CD58: variants seen among roughly 807,000 people sequenced by gnomAD.
The protein encoded by CD58 is CD58 molecule.
In CD58, 14 loss-of-function variants were observed where a neutral mutation model predicts 27.6. That is an observed-to-expected ratio of 0.51 (90% CI 0.34 to 0.79). The LOEUF (loss-of-function observed/expected upper bound fraction) is 0.79. Ranked by LOEUF, CD58 falls within the 30% of genes least tolerant of loss-of-function variation. The pLI is 0.02. For synonymous variants in CD58, 117 were observed against 103.8 expected (o/e 1.13, Z -0.77); for missense variants, 268 against 301.7 (o/e 0.89, Z 0.83).
At position 116,563,924 on chromosome 1, in the gene CD58, A is replaced by T. The variant is rs911097502; in HGVS notation, c.70+6979T>A. On this transcript the variant is annotated intron_variant, in intron 1 of 5. Coordinates refer to ENST00000369489, the MANE Select transcript of CD58 (RefSeq NM_001779.3). This position sits in a 1 kb window ranked among gnomAD's most constrained non-coding sequence, Gnocchi z 4.1. ...ATGCAAATTTCTGCAGCTGGCTTGA[A>T]TTTTTCCTCAGAAAAGGGGTTTTTC... is the stretch of plus-strand genomic sequence containing the variant. Among the ~76,000 whole-genome samples the T allele has an allele frequency of 2.6e-5, 4 of 152,086 alleles. No homozygotes were observed. The highest frequency in any genetic ancestry group is 2.0e-4 in the Admixed American group (3 of 15,284).
chr1:116,545,108 T>C (rs1372778883), intron 1 of CD58, among the ~76,000 whole-genome samples: 1 of 152,058 alleles, frequency 6.6e-6, no homozygotes, highest in Non-Finnish European at 1.5e-5. Context: ...AGGCCCTGAA[T>C]GGAGAAAGAG....
chr1:116,540,206 T>C (rs1263101042), intron 2 of CD58, among the ~76,000 whole-genome samples: 3 of 152,164 alleles, frequency 2.0e-5, no homozygotes, highest in Non-Finnish European at 4.4e-5. Flanking sequence ...GTGGATGCCC[T>C]GAATTTAGGA....
At chr1:116,567,299 G>A (rs1292289535) in intron 1 of CD58, among the ~76,000 whole-genome samples, 3 of 136,942 alleles carry the variant, frequency 2.2e-5, no homozygotes, top group Non-Finnish European at 4.7e-5. Flanking sequence ...GGGAGGGAGG[G>A]AGAAGAAAGG....
intron 1 of CD58, among the ~76,000 whole-genome samples, chr1:116,568,182 T>C (rs903762278): frequency 6.6e-6 from 1 of 152,040 alleles, no homozygotes; most frequent in African/African-American, 2.4e-5. Context: ...ATTGTATCAA[T>C]GCCACATTTC....
At chr1:116,547,557 C>A (rs967089719) in intron 1 of CD58, among the ~76,000 whole-genome samples, 4 of 152,058 alleles carry the variant, frequency 2.6e-5, no homozygotes, top group Non-Finnish European at 5.9e-5. Flanking sequence ...TCTCGATCTC[C>A]TGACCTCGTG....
chr1:116,565,359 AG>A lies in CD58; in HGVS notation c.70+5543del, dbSNP rs66799352. Among the ~76,000 whole-genome samples, 814 of 152,328 alleles carry A rather than the reference AG, an allele frequency of 5.3e-3. 2 individuals are homozygous for A. The highest frequency in any genetic ancestry group is 9.3e-3 in the Non-Finnish European group (631 of 68,028). On this transcript the variant is annotated intron_variant, in intron 1 of 5. Transcript: ENST00000369489. ...TTCTTAAACGCTTGAAGCCTATCTC[AG>A]GGTCCTGAGTAGTAGACCTGGAATA...
chr1:116,525,789 G>A (rs566552415), intron 3 of CD58, among the ~76,000 whole-genome samples: 1 of 152,216 alleles, frequency 6.6e-6, no homozygotes, highest in Non-Finnish European at 1.5e-5. Flanking sequence ...GTTGACATAG[G>A]ACATGCCTAG....
Position 116,544,579 on chromosome 1 carries a change from T to C in CD58, c.96A>G (p.Gln32=), listed in dbSNP as rs1658100083. The C allele has an allele frequency of 6.3e-7, 1 of 1,587,614 alleles. No homozygotes were observed. The highest frequency in any genetic ancestry group is 1.4e-5 in the African/African-American group (1 of 73,700). ...CFGFISCFSQ[Q]IYGVVYGNVT... Reference sequence around the variant, plus strand: ...CATTCCCATACACAACACCATATATTTGTTGGGAAAAACAGCTGATGAAAC... The same window carrying C: ...CATTCCCATACACAACACCATATATCTGTTGGGAAAAACAGCTGATGAAAC... Residue 32 remains glutamine (Q), a synonymous_variant, in exon 2 of 6, where the codon CAA becomes CAG. Transcript: ENST00000369489.
In CD58 at chr1:116,544,989, T is replaced by C. The variant is rs572736617; in HGVS notation, c.71-385A>G. Among the ~76,000 whole-genome samples the C allele has an allele frequency of 2.6e-5, 4 of 152,162 alleles. No individual in the cohort carries two copies. In the South Asian group the frequency reaches 6.2e-4, roughly 24 times the overall value. ...TGCTGGAACTGACATAACGTGCAAA[T>C]CACTGAAGGATAAAAGGCAGTTAGG... is the stretch of plus-strand genomic sequence containing the variant. On this transcript the variant is annotated intron_variant, in intron 1 of 5. Transcript: ENST00000369489.
chr1:116,544,933 T>C (rs1039889773), intron 1 of CD58, among the ~76,000 whole-genome samples: 1 of 152,192 alleles, frequency 6.6e-6, no homozygotes, highest in Non-Finnish European at 1.5e-5. Flanking sequence ...TGAGGGGAGC[T>C]GCCTGGTCTA....
intron 2 of CD58, among the ~76,000 whole-genome samples, chr1:116,540,421 T>A (rs953634780): frequency 1.3e-5 from 2 of 152,208 alleles, no homozygotes; most frequent in African/African-American, 2.4e-5. Flanking sequence ...ATCTTATGTC[T>A]TTTTACAACC....
rs954889625 is a variant in CD58 at position 116,521,567 on chromosome 1, A to C, written c.706+339T>G. Among the ~76,000 whole-genome samples the C allele has an allele frequency of 6.6e-6, 1 of 152,222 alleles. No individual in the cohort carries two copies. Among genetic ancestry groups the C allele is most frequent in the South Asian group, 2.1e-4 (1 of 4,832 alleles). ...ATGACATGAAAATTACAGAGGTGGC[A>C]GCCTAAAGAGGTCTTTAGCAAACTC... On this transcript the variant is annotated intron_variant, in intron 4 of 5. Coordinates refer to ENST00000369489, the MANE Select transcript of CD58 (RefSeq NM_001779.3). The surrounding 1 kb of genome is among the most constrained non-coding windows in gnomAD (Gnocchi z 5.6).
chr1:116,560,324 G>C (rs1047313512), intron 1 of CD58, among the ~76,000 whole-genome samples: 1 of 151,952 alleles, frequency 6.6e-6, no homozygotes, highest in African/African-American at 2.4e-5. Context: ...TATGCTTTAG[G>C]GAATAAGGTT....
chr1:116,528,090 G>T lies in CD58; in HGVS notation c.629-6107C>A, dbSNP rs1657483508. Among the ~76,000 whole-genome samples, 1 of 152,192 alleles carries T rather than the reference G, an allele frequency of 6.6e-6. No homozygotes were observed. The highest frequency in any genetic ancestry group is 2.1e-4 in the South Asian group (1 of 4,832). ...CTTTCTCAATTTTTAAAAGCAGAGT[G>T]AACATTCTTAATCACTATTCTTCCC... On this transcript the variant is annotated intron_variant, in intron 3 of 5. Coordinates refer to ENST00000369489, the MANE Select transcript of CD58 (RefSeq NM_001779.3). This position sits in a 1 kb window ranked among gnomAD's most constrained non-coding sequence, Gnocchi z 4.4.
chr1:116,521,527 C>A lies in CD58; in HGVS notation c.706+379G>T, dbSNP rs894357200. On this transcript the variant is annotated intron_variant, in intron 4 of 5. Coordinates refer to ENST00000369489, the MANE Select transcript of CD58 (RefSeq NM_001779.3). The surrounding 1 kb of genome is among the most constrained non-coding windows in gnomAD (Gnocchi z 5.6). ...CCAAAACTCCCTTCCTACCTGGGAG[C>A]CCCATTCGTGTTATATGACATGAAA... is the stretch of plus-strand genomic sequence containing the variant. Among the ~76,000 whole-genome samples the A allele has an allele frequency of 8.5e-5, 13 of 152,226 alleles. No homozygotes were observed. The highest frequency in any genetic ancestry group is 1.2e-4 in the African/African-American group (5 of 41,460).
In CD58 at chr1:116,550,247, T is replaced by C. The variant is rs771865325; in HGVS notation, c.71-5643A>G. Among the ~76,000 whole-genome samples, 19 of 152,340 alleles carry C rather than the reference T, an allele frequency of 1.2e-4. No individual in the cohort carries two copies. In the Middle Eastern group the frequency reaches 0.014, roughly 109 times the overall value. The stretch of plus-strand genomic sequence containing the variant: ...CAAAATATTTCTCAGAGGCATCCAA[T>C]GCTGTTTGATAGAATTTTACTCACA... On this transcript the variant is annotated intron_variant, in intron 1 of 5. Coordinates refer to ENST00000369489, the MANE Select transcript of CD58 (RefSeq NM_001779.3). The surrounding 1 kb of genome is among the most constrained non-coding windows in gnomAD (Gnocchi z 4.2).
chr1:116,566,173 A>G (rs1172643294), intron 1 of CD58, among the ~76,000 whole-genome samples: 5 of 152,198 alleles, frequency 3.3e-5, no homozygotes, highest in Admixed American at 6.5e-5. Context: ...AATAAAAGGA[A>G]CTGTAAAGAA....
At chr1:116,565,501 G>T (rs1658900886) in intron 1 of CD58, among the ~76,000 whole-genome samples, 1 of 152,034 alleles carries the variant, frequency 6.6e-6, no homozygotes, top group Non-Finnish European at 1.5e-5. Flanking sequence ...CCAGCAGAGG[G>T]TAGCTGAATG....
At position 116,534,439 on chromosome 1, in the gene CD58, C is replaced by T. The variant is rs1031658832; in HGVS notation, c.628+1526G>A. Among the ~76,000 whole-genome samples the T allele has an allele frequency of 1.3e-5, 2 of 152,248 alleles. No homozygotes were observed. Among genetic ancestry groups the T allele is most frequent in the African/African-American group, 4.8e-5 (2 of 41,464 alleles). On this transcript the variant is annotated intron_variant, in intron 3 of 5. Coordinates refer to ENST00000369489, the MANE Select transcript of CD58 (RefSeq NM_001779.3). The surrounding 1 kb of genome is among the most constrained non-coding windows in gnomAD (Gnocchi z 5.3). ...GCTCCTCCGGGTGCGCCGCGGCCCT[C>T]CGGGTACGCGGGGCTGGCTGGGCTA... is the stretch of plus-strand genomic sequence containing the variant.
Sources: allele counts gnomAD v4.1 joint callset (sites outside exome capture counted in the v4.1 genomes callset), GRCh38; gene constraint gnomAD v4.1.1; non-coding constraint Gnocchi (gnomAD v3.1); transcripts MANE v1.5; gene names NCBI Gene and HGNC (gene_info 2026-07-23, HGNC 2026-07-21).